Variants in DNAAF4 observed in about 807,000 individuals in gnomAD.
DNAAF4 encodes the protein dynein assembly factor 4, axonemal.
DNAAF4 carries 43 observed loss-of-function variants against 51.8 expected under a neutral mutation model. That is an observed-to-expected ratio of 0.83 (90% CI 0.65 to 1.07). The LOEUF (loss-of-function observed/expected upper bound fraction) is 1.07. DNAAF4 is among the 50% of genes least tolerant of loss of function. The pLI, the probability that DNAAF4 is intolerant of heterozygous loss-of-function variation, is 0.00. For synonymous variants in DNAAF4, 194 were observed against 165.6 expected (o/e 1.17, Z -1.32); for missense variants, 581 against 493.0 (o/e 1.18, Z -1.69).
chr15:55,418,921 A>G (rs1436802123), intron 7 of DNAAF4, among the ~76,000 whole-genome samples: 1 of 27,668 alleles, frequency 3.6e-5, no homozygotes, highest in African/African-American at 9.4e-5. Flanking sequence ...ACAATTTCAC[A>G]CTTTTTTTTT....
At chr15:55,462,483 C>G (rs575764410) in intron 5 of DNAAF4, among the ~76,000 whole-genome samples, 1 of 152,090 alleles carries the variant, frequency 6.6e-6, no homozygotes, top group African/African-American at 2.4e-5. Context: ...AGCCATGTGC[C>G]CAGCCCAACA....
intron 4 of DNAAF4, 30 bp downstream of exon 4, chr15:55,491,093 A>G (rs1287377251): frequency 6.2e-7 from 1 of 1,613,498 alleles, no homozygotes; most frequent in Admixed American, 1.7e-5. Flanking sequence ...TTATCTCTTT[A>G]GAGGACTTGC....
At chr15:55,418,982 T>C (rs927467333) in intron 7 of DNAAF4, among the ~76,000 whole-genome samples, 4 of 144,486 alleles carry the variant, frequency 2.8e-5, no homozygotes, top group Non-Finnish European at 6.0e-5. Flanking sequence ...TAGAGTGCAG[T>C]GGTTGCTCAC....
At chr15:55,433,874 ATTACATAT>A (rs1243236439) in intron 8 of DNAAF4, among the ~76,000 whole-genome samples, 1 of 29,846 alleles carries the variant, frequency 3.4e-5, no homozygotes, top group Admixed American at 6.4e-4. Context: ...TATTATATAT[ATTACATAT>A]ATTATATATA....
Position 55,450,869 on chromosome 15 carries a change from G to A in DNAAF4, c.638-502C>T, listed in dbSNP as rs1459231250. 6.6e-5 allele frequency among the ~76,000 whole-genome samples: 10 copies of A among 152,154 alleles called. No homozygotes were observed. The South Asian group carries it at 1.0e-3, about 16-fold the overall frequency. On this transcript the variant is annotated intron_variant, in intron 5 of 9. Transcript: ENST00000321149. Reference sequence around the variant, plus strand: ...TCACAGCACTTTGGGAGGCCAAGGCGGGCCAATCACCTGAGGTCAGGAGTT... The same window carrying A: ...TCACAGCACTTTGGGAGGCCAAGGCAGGCCAATCACCTGAGGTCAGGAGTT...
intron 1 of DNAAF4, among the ~76,000 whole-genome samples, chr15:55,507,431 A>G (rs1253184615): frequency 1.3e-5 from 2 of 152,282 alleles, no homozygotes; most frequent in East Asian, 1.9e-4. Flanking sequence ...TGTCTAATAT[A>G]CCCTGTAATT....
chr15:55,454,708 T>G (rs1266066725), intron 5 of DNAAF4, among the ~76,000 whole-genome samples: 1 of 152,080 alleles, frequency 6.6e-6, no homozygotes. Flanking sequence ...TTGAAGACAA[T>G]AGTTTTGAAA....
intron 5 of DNAAF4, among the ~76,000 whole-genome samples, chr15:55,453,526 G>C (rs1486263562): frequency 6.1e-5 from 9 of 146,664 alleles, no homozygotes; most frequent in African/African-American, 2.0e-4. Context: ...AAAGAACAGA[G>C]AGGTGTGAAA....
intron 1 of DNAAF4, among the ~76,000 whole-genome samples, chr15:55,498,911 C>CAAA (rs79964530): frequency 4.8e-5 from 5 of 104,688 alleles, no homozygotes; most frequent in Admixed American, 1.0e-4. Context: ...AACTCCGTCT[C>CAAA]AAAAAAAAAA....
intron 1 of DNAAF4, among the ~76,000 whole-genome samples, chr15:55,499,459 T>G (rs1296800739): frequency 3.9e-5 from 6 of 152,216 alleles, no homozygotes; most frequent in Non-Finnish European, 2.9e-5. Flanking sequence ...TTCTCTGGAA[T>G]GCACCTTTGT....
intron 5 of DNAAF4, among the ~76,000 whole-genome samples, chr15:55,454,204 G>A (rs920146393): frequency 6.6e-6 from 1 of 151,714 alleles, no homozygotes; most frequent in African/African-American, 2.4e-5. Context: ...AGGAGGCTGA[G>A]GCAGGGGAAT....
chr15:55,459,537 C>A (rs1279251510), intron 5 of DNAAF4, among the ~76,000 whole-genome samples: 1 of 152,088 alleles, frequency 6.6e-6, no homozygotes, highest in Non-Finnish European at 1.5e-5. Flanking sequence ...CCTAAATGCT[C>A]CACTTAAAAG....
intron 4 of DNAAF4, among the ~76,000 whole-genome samples, chr15:55,478,209 T>A (rs571040728): frequency 1.3e-5 from 2 of 152,294 alleles, no homozygotes; most frequent in African/African-American, 4.8e-5. Flanking sequence ...AGGAAAGCCC[T>A]CCACTAGGAC....
At chr15:55,474,788 G>T (rs2058313255) in intron 4 of DNAAF4, among the ~76,000 whole-genome samples, 1 of 152,222 alleles carries the variant, frequency 6.6e-6, no homozygotes, top group East Asian at 1.9e-4. Flanking sequence ...AGACCAGCCT[G>T]GCCAACATGG....
Position 55,425,156 on chromosome 15 carries a change from C to T in DNAAF4, c.1048-7023G>A, listed in dbSNP as rs575596084. Among the ~76,000 whole-genome samples the T allele has an allele frequency of 5.9e-5, 9 of 152,298 alleles. No homozygotes were observed. In the South Asian group the frequency reaches 1.0e-3, roughly 18 times the overall value. ...CTGGGATTACAGGCGTGAGCCATCA[C>T]GCTCAGCCACATACTTTGCTCTTAA... On this transcript the variant is annotated intron_variant, in intron 7 of 7. Transcript: ENST00000448430.
rs138140109 is a variant in DNAAF4, at chr15:55,424,840, C to T, written c.1048-6707G>A. ...CCTCCCAAAGTGCTGGGAATACAGG[C>T]GTGAGACCCCGTGCCCGGCTGTACC... On this transcript the variant is annotated intron_variant, in intron 7 of 7. Coordinates refer to the DNAAF4 transcript ENST00000448430. Among the ~76,000 whole-genome samples, 11 of 151,984 alleles carry T rather than the reference C, an allele frequency of 7.2e-5. No individual in the cohort carries two copies. In the East Asian group the frequency reaches 1.4e-3, roughly 19 times the overall value.
chr15:55,430,916 C>A, intron 9 of DNAAF4, 137 bp from the exon 10 acceptor site: 1 of 655,296 alleles, frequency 1.5e-6, no homozygotes, highest in Non-Finnish European at 2.4e-6. Flanking sequence ...AAATTAGATT[C>A]CCATCTTTTT....
intron 4 of DNAAF4, among the ~76,000 whole-genome samples, chr15:55,469,279 G>A (rs192074144): frequency 1.3e-5 from 2 of 151,030 alleles, no homozygotes; most frequent in East Asian, 2.0e-4. Context: ...GCAGTGAGCC[G>A]AGATAAAGCC....
At chr15:55,504,821 G>C (rs1482168547) in intron 1 of DNAAF4, among the ~76,000 whole-genome samples, 1 of 152,140 alleles carries the variant, frequency 6.6e-6, no homozygotes, top group African/African-American at 2.4e-5. Context: ...AAAAACCCTA[G>C]AAGAAAACTT....
Sources: allele counts gnomAD v4.1 joint callset (sites outside exome capture counted in the v4.1 genomes callset), GRCh38; gene constraint gnomAD v4.1.1; transcripts MANE v1.5; gene names NCBI Gene and HGNC (gene_info 2026-07-23, HGNC 2026-07-21).